Variants in NSMCE2 observed in about 807,000 individuals in gnomAD.
NSMCE2 encodes the protein NSE2 SUMO ligase component of SMC5/6 complex.
A neutral mutation model predicts 23.8 loss-of-function variants in NSMCE2; 24 were observed. The ratio of observed to expected loss-of-function variants is 1.01; its 90% CI spans 0.73 to 1.42. The LOEUF is 1.42. NSMCE2 is among the 40% of genes most tolerant of loss of function. The probability of loss-of-function intolerance (pLI) is 0.00; values close to 1 mark genes in which losing one functional copy is unlikely to be tolerated. For missense variants in NSMCE2, 284 were observed against 296.5 expected (o/e 0.96, Z 0.31); for synonymous variants, 92 against 94.1 (o/e 0.98, Z 0.13).
chr8:125,092,746 A>G (rs1399553374), intron 1 of NSMCE2, among the ~76,000 whole-genome samples: 3 of 152,226 alleles, frequency 2.0e-5, no homozygotes, highest in Non-Finnish European at 2.9e-5. Flanking sequence ...GAAATGCACA[A>G]CTTGTTCTAA....
At chr8:125,139,837 CCAGA>C (rs1251387961) in intron 3 of NSMCE2, among the ~76,000 whole-genome samples, 6 of 152,168 alleles carry the variant, frequency 3.9e-5, no homozygotes, top group Non-Finnish European at 8.8e-5. Flanking sequence ...TTAAACTGAA[CCAGA>C]CATTCACTTT....
chr8:125,237,064 A>C (rs1191436135), intron 5 of NSMCE2, among the ~76,000 whole-genome samples: 1 of 152,228 alleles, frequency 6.6e-6, no homozygotes, highest in Non-Finnish European at 1.5e-5. Flanking sequence ...AGCAGTGAAC[A>C]TAAAGTTGGC....
chr8:125,153,799 G>A (rs1821168679), intron 4 of NSMCE2, among the ~76,000 whole-genome samples: 1 of 152,050 alleles, frequency 6.6e-6, no homozygotes, highest in African/African-American at 2.4e-5. Flanking sequence ...AATTTGATGG[G>A]GCTGTAAGAT....
intron 3 of NSMCE2, among the ~76,000 whole-genome samples, chr8:125,132,498 G>C (rs1262160030): frequency 7.2e-6 from 1 of 139,390 alleles, no homozygotes; most frequent in Non-Finnish European, 1.5e-5. Context: ...AAAAAATTTT[G>C]GTTTTTTTTT....
intron 5 of NSMCE2, among the ~76,000 whole-genome samples, chr8:125,201,822 C>A (rs1823891814): frequency 6.6e-6 from 1 of 152,240 alleles, no homozygotes; most frequent in Admixed American, 6.5e-5. Flanking sequence ...GAGGCAGTAG[C>A]CCTTGATGAG....
At chr8:125,307,845 ACTGTGAG>A (rs1227256434) in intron 5 of NSMCE2, among the ~76,000 whole-genome samples, 3 of 152,210 alleles carry the variant, frequency 2.0e-5, no homozygotes, top group Admixed American at 6.5e-5. Context: ...AGACACCAGC[ACTGTGAG>A]CTGGATCTCA....
intron 5 of NSMCE2, among the ~76,000 whole-genome samples, chr8:125,326,392 T>G (rs1222856417): frequency 1.3e-5 from 2 of 152,254 alleles, no homozygotes; most frequent in African/African-American, 4.8e-5. Context: ...AAATAGGCAT[T>G]ATATATATGT....
chr8:125,281,199 A>C (rs1827679277), intron 5 of NSMCE2, among the ~76,000 whole-genome samples: 1 of 152,252 alleles, frequency 6.6e-6, no homozygotes, highest in African/African-American at 2.4e-5. Context: ...AGAACACTGC[A>C]AACAACAGCA....
intron 3 of NSMCE2, among the ~76,000 whole-genome samples, chr8:125,128,032 G>A (rs932950576): frequency 6.6e-6 from 1 of 152,196 alleles, no homozygotes; most frequent in Admixed American, 6.5e-5. Context: ...TTTGAATTGG[G>A]GATGCTCACC....
At chr8:125,162,649 G>A (rs1384350219) in intron 4 of NSMCE2, among the ~76,000 whole-genome samples, 1 of 151,996 alleles carries the variant, frequency 6.6e-6, no homozygotes. Flanking sequence ...GAAAGTACTT[G>A]GGAGGTAAGA....
intron 5 of NSMCE2, among the ~76,000 whole-genome samples, chr8:125,304,321 A>G (rs1190978233): frequency 6.6e-6 from 1 of 152,150 alleles, no homozygotes; most frequent in East Asian, 1.9e-4. Context: ...CCTCATTCCT[A>G]GTAGGTGAAG....
intron 5 of NSMCE2, among the ~76,000 whole-genome samples, chr8:125,220,642 TAA>T (rs555523149): frequency 2.8e-5 from 4 of 142,518 alleles, no homozygotes; most frequent in African/African-American, 5.1e-5. Context: ...CATCATTATT[TAA>T]AAAAAAAAAA....
intron 5 of NSMCE2, among the ~76,000 whole-genome samples, chr8:125,223,977 C>G (rs1199142392): frequency 6.6e-6 from 1 of 152,074 alleles, no homozygotes; most frequent in African/African-American, 2.4e-5. Context: ...GCTGGGACTA[C>G]AGGCACACAA....
rs1202392869 is a variant in NSMCE2, at chr8:125,091,901, G to A, written c.-168G>A. ...AGGCGAAGGGGGCTGAGGAAAGGAG[G>A]TGGGTCTAGGCAGGGGAAATTGGGG... On this transcript the variant is annotated 5_prime_UTR_variant, in exon 1 of 8. It adds an upstream start codon to the 5' untranslated region. Transcript: ENST00000287437. 6.6e-6 allele frequency: 1 copy of A among 152,426 alleles called. No individual in the cohort carries two copies. The highest frequency in any genetic ancestry group is 1.5e-5 in the Non-Finnish European group (1 of 68,194). The allele number at this position is 152,426 out of a possible 1,614,324, so 9.4% of individuals were successfully genotyped here.
At chr8:125,124,470 T>TTCTCTCTCTCTCTCTCTCTC (rs376240525) in intron 3 of NSMCE2, among the ~76,000 whole-genome samples, 61 of 146,306 alleles carry the variant, frequency 4.2e-4, no homozygotes, top group African/African-American at 1.5e-3. Context: ...TCCTCAGGAT[T>TTCTCTCTCTCTCTCTCTCTC]TCTCTCTCTC....
At chr8:125,235,987 A>G (rs1349599030) in intron 5 of NSMCE2, among the ~76,000 whole-genome samples, 8 of 152,234 alleles carry the variant, frequency 5.3e-5, no homozygotes, top group Non-Finnish European at 1.2e-4. Context: ...ATTCCTGGAA[A>G]TATGGCAGTT....
At chr8:125,333,105 A>G (rs1467733637) in intron 5 of NSMCE2, among the ~76,000 whole-genome samples, 2 of 152,064 alleles carry the variant, frequency 1.3e-5, no homozygotes, top group Non-Finnish European at 2.9e-5. Flanking sequence ...CTTGGTCCCC[A>G]CTCCAGACCT....
chr8:125,307,035 A>G (rs556175090), intron 5 of NSMCE2, among the ~76,000 whole-genome samples: 1 of 152,328 alleles, frequency 6.6e-6, no homozygotes, highest in East Asian at 1.9e-4. Flanking sequence ...AGTGTGTTAA[A>G]ATGGGAGCCC....
At chr8:125,177,453 C>G (rs559479379) in intron 4 of NSMCE2, among the ~76,000 whole-genome samples, 11 of 152,298 alleles carry the variant, frequency 7.2e-5, no homozygotes, top group African/African-American at 2.6e-4. Context: ...TGCCATCAAA[C>G]TATATTCATT....
Sources: allele counts gnomAD v4.1 joint callset (sites outside exome capture counted in the v4.1 genomes callset), GRCh38; gene constraint gnomAD v4.1.1; transcripts MANE v1.5; gene names NCBI Gene and HGNC (gene_info 2026-07-23, HGNC 2026-07-21).